Variants in CAMTA1 observed in about 807,000 individuals in gnomAD.
CAMTA1 encodes the protein calmodulin-binding transcription activator 1.
CAMTA1 carries 27 observed loss-of-function variants against 170.9 expected under a neutral mutation model. The ratio of observed to expected loss-of-function variants is 0.16; its 90% CI spans 0.12 to 0.22. The LOEUF is 0.22. Among genes scored for constraint, CAMTA1 ranks in the 10% least tolerant of loss-of-function variants. The probability of loss-of-function intolerance (pLI) is 1.00; values close to 1 mark genes in which losing one functional copy is unlikely to be tolerated. For missense variants in CAMTA1, 1,619 were observed against 2,217.2 expected, an observed-to-expected ratio of 0.73 and a Z score of 5.42; for synonymous variants, 833 against 891.5, an observed-to-expected ratio of 0.93 and a Z score of 1.17.
chr1:7,752,843 G>A (rs1305999640), intron 21 of CAMTA1, among the ~76,000 whole-genome samples: 1 of 152,184 alleles, frequency 6.6e-6, no homozygotes, highest in Non-Finnish European at 1.5e-5. Flanking sequence ...TTTAACCTGT[G>A]ATTGATATGC....
chr1:7,047,580 G>A (rs1365479463), intron 3 of CAMTA1, among the ~76,000 whole-genome samples: 1 of 151,962 alleles, frequency 6.6e-6, no homozygotes. Flanking sequence ...TTCTTGCCAG[G>A]TGTCCTGAGG....
intron 4 of CAMTA1, among the ~76,000 whole-genome samples, chr1:7,239,383 T>C (rs1238362129): frequency 6.6e-6 from 1 of 152,174 alleles, no homozygotes; most frequent in African/African-American, 2.4e-5. Flanking sequence ...ATTGGTTGAT[T>C]ATTTCTTTGA....
At chr1:7,410,280 GA>G (rs1461784732) in intron 5 of CAMTA1, among the ~76,000 whole-genome samples, 2 of 152,250 alleles carry the variant, frequency 1.3e-5, no homozygotes, top group Admixed American at 6.5e-5. Context: ...ACGTGGGCAT[GA>G]GCCCCCAAAA....
In CAMTA1 at chr1:7,299,268, T is replaced by A. The variant is rs972712150; in HGVS notation, c.438+49642T>A. 3.9e-5 allele frequency among the ~76,000 whole-genome samples: 6 copies of A among 152,256 alleles called. No individual in the cohort carries two copies. Among genetic ancestry groups the A allele is most frequent in the Admixed American group, 3.9e-4 (6 of 15,292 alleles). Reference sequence around the variant, plus strand: ...ATATGAAACAATGACTTGATTTCTTTATATGAAACATACTTTGTACATCTA... The same window carrying A: ...ATATGAAACAATGACTTGATTTCTTAATATGAAACATACTTTGTACATCTA... On this transcript the variant is annotated intron_variant, in intron 5 of 22. Transcript: ENST00000303635. This position sits in a 1 kb window ranked among gnomAD's most constrained non-coding sequence, Gnocchi z 4.7.
chr1:6,883,081 A>T (rs1672062314), intron 3 of CAMTA1, among the ~76,000 whole-genome samples: 1 of 151,768 alleles, frequency 6.6e-6, no homozygotes, highest in African/African-American at 2.4e-5. Context: ...TTTAGTAGAG[A>T]TGGGGTTTTG....
At chr1:7,247,489 A>G (rs1665998794) in intron 4 of CAMTA1, among the ~76,000 whole-genome samples, 1 of 152,210 alleles carries the variant, frequency 6.6e-6, no homozygotes, top group South Asian at 2.1e-4. Flanking sequence ...GCTAGATTGG[A>G]TCAACGTCCA....
intron 4 of CAMTA1, among the ~76,000 whole-genome samples, chr1:7,204,000 T>C (rs1440246791): frequency 7.1e-6 from 1 of 140,320 alleles, no homozygotes; most frequent in Non-Finnish European, 1.5e-5. Context: ...CCCGGCTAAT[T>C]TTTTTTTTTG....
At chr1:7,215,485 C>G (rs1187630459) in intron 4 of CAMTA1, among the ~76,000 whole-genome samples, 1 of 152,220 alleles carries the variant, frequency 6.6e-6, no homozygotes, top group Non-Finnish European at 1.5e-5. Flanking sequence ...CCTCCGCCTT[C>G]CAGGTTCAAG....
chr1:7,308,543 A>C (rs569986100), intron 5 of CAMTA1, among the ~76,000 whole-genome samples: 12 of 152,080 alleles, frequency 7.9e-5, no homozygotes, highest in Non-Finnish European at 1.5e-4. Context: ...TTGATACATT[A>C]TATTTTTATT....
intron 4 of CAMTA1, among the ~76,000 whole-genome samples, chr1:7,213,956 G>A (rs1320093931): frequency 6.6e-6 from 1 of 152,142 alleles, no homozygotes; most frequent in East Asian, 1.9e-4. Flanking sequence ...TTTTATGGCT[G>A]CATAGTATTC....
intron 5 of CAMTA1, among the ~76,000 whole-genome samples, chr1:7,266,907 C>G (rs1412806733): frequency 6.6e-6 from 1 of 152,074 alleles, no homozygotes; most frequent in African/African-American, 2.4e-5. Flanking sequence ...GGGCCAGGAC[C>G]CAGGTGGCAC....
intron 3 of CAMTA1, among the ~76,000 whole-genome samples, chr1:7,072,015 T>C (rs1638711337): frequency 6.6e-6 from 1 of 152,218 alleles, no homozygotes; most frequent in Non-Finnish European, 1.5e-5. Context: ...TCCTGAGCCT[T>C]CTTGGAATCA....
At chr1:7,348,956 A>G (rs1042106659) in intron 5 of CAMTA1, among the ~76,000 whole-genome samples, 3 of 152,050 alleles carry the variant, frequency 2.0e-5, no homozygotes, top group Non-Finnish European at 4.4e-5. Flanking sequence ...GCTCTCCTGG[A>G]GTCCTGTGTG....
intron 6 of CAMTA1, among the ~76,000 whole-genome samples, chr1:7,594,590 C>T (rs2095384177): frequency 6.6e-6 from 1 of 152,342 alleles, no homozygotes; most frequent in East Asian, 1.9e-4. Context: ...GCCTGCAGAG[C>T]TACTGGAAGG....
intron 3 of CAMTA1, among the ~76,000 whole-genome samples, chr1:6,886,516 C>G (rs1012549808): frequency 6.6e-6 from 1 of 152,224 alleles, no homozygotes; most frequent in African/African-American, 2.4e-5. Context: ...AGTACCTGTT[C>G]TAGGTACTTG....
chr1:7,276,303 A>ATATATATATATATTTTTTTT, intron 5 of CAMTA1, among the ~76,000 whole-genome samples: 5 of 24,232 alleles, frequency 2.1e-4, no homozygotes, highest in Admixed American at 1.3e-3. Context: ...ATATATATAT[A>ATATATATATATATTTTTTTT]TTTTTTTTTT....
intron 5 of CAMTA1, among the ~76,000 whole-genome samples, chr1:7,331,384 G>T (rs772374884): frequency 6.6e-6 from 1 of 152,146 alleles, no homozygotes; most frequent in East Asian, 1.9e-4. Context: ...CCCTTTATAC[G>T]CTTAAAAATG....
In CAMTA1 at chr1:7,674,159, C is replaced by T. The variant is rs140235800; in HGVS notation, c.2779+3122C>T. Among the ~76,000 whole-genome samples the T allele has an allele frequency of 4.3e-3, 656 of 152,308 alleles. 7 individuals carry two copies. Among genetic ancestry groups the T allele is most frequent in the African/African-American group, 0.015 (631 of 41,572 alleles). The stretch of plus-strand genomic sequence containing the variant: ...GCACTGGCAACACAGTTGGCCAATG[C>T]CCACCCGTCTCCCAACACACCTGCC... On this transcript the variant is annotated intron_variant, in intron 10 of 22. Transcript: ENST00000303635. The surrounding 1 kb of genome is among the most constrained non-coding windows in gnomAD (Gnocchi z 4.1).
rs138562198 is a variant in CAMTA1 at position 6,857,012 on chromosome 1, G to T, written c.234+31802G>T. Among the ~76,000 whole-genome samples, 1,447 of 152,282 alleles carry T rather than the reference G, an allele frequency of 9.5e-3. 15 individuals carry two copies. Among genetic ancestry groups the T allele is most frequent in the Non-Finnish European group, 0.015 (999 of 68,020 alleles). On this transcript the variant is annotated intron_variant, in intron 3 of 22. Transcript: ENST00000303635. ...GCCATAGGCCACCTTGGAAACTAGG[G>T]TGTCCCTGTGAAGGGTTGCCCGTGA...
Sources: gnomAD v4.1 joint callset for allele counts (sites outside exome capture counted in the v4.1 genomes callset) on GRCh38, gnomAD v4.1.1 for gene constraint, Gnocchi (gnomAD v3.1) non-coding constraint, MANE v1.5 for transcripts, NCBI Gene and HGNC (gene_info 2026-07-23, HGNC 2026-07-21) for gene names.